The following KLHL1 variants were observed in gnomAD, a reference collection of about 807,000 sequenced individuals.
The protein encoded by KLHL1 is kelch-like protein 1.
A neutral mutation model predicts 77.7 loss-of-function variants in KLHL1; 47 were observed. The ratio of observed to expected loss-of-function variants is 0.60; its 90% CI spans 0.48 to 0.77. The LOEUF (loss-of-function observed/expected upper bound fraction) is 0.77. Among genes scored for constraint, KLHL1 ranks in the 30% least tolerant of loss-of-function variants. The pLI, the probability that KLHL1 is intolerant of heterozygous loss-of-function variation, is 0.00. For missense variants in KLHL1, 925 were observed against 910.8 expected (o/e 1.02, Z -0.20); for synonymous variants, 360 against 325.2 (o/e 1.11, Z -1.15).
chr13:69,764,774 C>T lies in KLHL1; in HGVS notation c.1640-24218G>A, dbSNP rs563983680. On this transcript the variant is annotated intron_variant, in intron 7 of 10. Transcript: ENST00000377844. ...TTCTATTCTGAATTTTAAGAAGATT[C>T]CAAGGTAATCACATGCACATTAAAA... 5.7e-4 allele frequency among the ~76,000 whole-genome samples: 86 copies of T among 151,956 alleles called. No homozygotes were observed. The South Asian group carries it at 0.013, about 23-fold the overall frequency.
intron 3 of KLHL1, among the ~76,000 whole-genome samples, chr13:69,951,634 T>C (rs1883714822): frequency 6.6e-6 from 1 of 151,548 alleles, no homozygotes; most frequent in Non-Finnish European, 1.5e-5. Flanking sequence ...CTCTTTATTC[T>C]TGAGGTTCTG....
rs74872690 is a variant in KLHL1 at position 70,038,789 on chromosome 13, C to T, written c.498-62987G>A. On this transcript the variant is annotated intron_variant, in intron 1 of 10. Coordinates refer to ENST00000377844, the MANE Select transcript of KLHL1 (RefSeq NM_020866.3). ...CATTTTTAGTAGAGACAGGGTTTCA[C>T]CACGTTGGCCAGGCTGGTCTCAAAC... 2.3e-3 allele frequency among the ~76,000 whole-genome samples: 346 copies of T among 151,896 alleles called. 7 individuals are homozygous for T. In the East Asian group the frequency reaches 0.062, roughly 27 times the overall value.
chr13:69,968,565 G>T (rs944149727), intron 2 of KLHL1, among the ~76,000 whole-genome samples: 57 of 150,694 alleles, frequency 3.8e-4, no homozygotes, highest in African/African-American at 1.4e-3. Context: ...GAAATTGAAG[G>T]TATTAATATA....
chr13:69,952,718 C>A (rs73512626), intron 3 of KLHL1, among the ~76,000 whole-genome samples: 19,349 of 151,238 alleles, frequency 0.13, 1,918 homozygotes, highest in East Asian at 0.29. Flanking sequence ...CTGAGGGAGA[C>A]AAAGTGTTTA....
intron 6 of KLHL1, among the ~76,000 whole-genome samples, chr13:69,825,252 G>A (rs1338605116): frequency 1.3e-5 from 2 of 152,030 alleles, no homozygotes; most frequent in East Asian, 1.9e-4. Context: ...TTTAAAGCAG[G>A]GTGAGATAAG....
intron 7 of KLHL1, among the ~76,000 whole-genome samples, chr13:69,794,163 T>C (rs1369199701): frequency 6.6e-6 from 1 of 152,176 alleles, no homozygotes; most frequent in Non-Finnish European, 1.5e-5. Flanking sequence ...AGAGGATTTA[T>C]GTGCAAATGG....
intron 4 of KLHL1, among the ~76,000 whole-genome samples, chr13:69,921,864 G>A (rs1882650866): frequency 6.6e-6 from 1 of 151,466 alleles, no homozygotes; most frequent in Admixed American, 6.6e-5. Flanking sequence ...TAAGCTTTCT[G>A]GGAGGCTAAG....
At chr13:69,840,675 A>T (rs1368827634) in intron 5 of KLHL1, among the ~76,000 whole-genome samples, 1 of 146,078 alleles carries the variant, frequency 6.8e-6, no homozygotes, top group Non-Finnish European at 1.5e-5. Context: ...TTTATTTTGA[A>T]CATTAACTTT....
Position 69,882,267 on chromosome 13 carries a change from C to T in KLHL1, c.1227+16G>A, listed in dbSNP as rs748145244. 2.4e-5 allele frequency: 37 copies of T among 1,555,506 alleles called. No individual in the cohort carries two copies. Among genetic ancestry groups the T allele is most frequent in the East Asian group, 2.2e-4 (10 of 44,494 alleles). The stretch of plus-strand genomic sequence containing the variant: ...CAGTACATTGAATCTATTTAAACAG[C>T]GTCACACATCATTACCTGTGGTGGA... On this transcript the variant is annotated intron_variant, in intron 5 of 10. Transcript: ENST00000377844.
intron 5 of KLHL1, among the ~76,000 whole-genome samples, chr13:69,845,451 C>G (rs1357996618): frequency 1.3e-5 from 2 of 151,512 alleles, no homozygotes; most frequent in African/African-American, 2.4e-5. Context: ...AAATATGTTT[C>G]AACTATTTAT....
chr13:69,779,353 T>G (rs1876010153), intron 7 of KLHL1, among the ~76,000 whole-genome samples: 1 of 140,832 alleles, frequency 7.1e-6, no homozygotes, highest in Non-Finnish European at 1.6e-5. Context: ...TCCCTCCTCT[T>G]TTTTCCTTTC....
In KLHL1 at chr13:69,771,838, G is replaced by T. The variant is rs1487366349; in HGVS notation, c.1639+24900C>A. Among the ~76,000 whole-genome samples the T allele has an allele frequency of 2.0e-5, 3 of 152,088 alleles. No homozygotes were observed. The East Asian group carries it at 5.8e-4, about 29-fold the overall frequency. ...TCTGAAAAAATGGTCAAATTAGGAA[G>T]ACATGCGAATCAAAATGTGGAGACA... On this transcript the variant is annotated intron_variant, in intron 7 of 10. Coordinates refer to ENST00000377844, the MANE Select transcript of KLHL1 (RefSeq NM_020866.3).
chr13:70,075,607 A>T lies in KLHL1; in HGVS notation c.497+31596T>A, dbSNP rs1304340468. On this transcript the variant is annotated intron_variant, in intron 1 of 10. Transcript: ENST00000377844. ...TATATATACACACACACACATATAT[A>T]TAGGACTTACATATATATATGTATA... Among the ~76,000 whole-genome samples the T allele has an allele frequency of 2.8e-4, 28 of 98,756 alleles. 1 individual carries two copies. In the Admixed American group the frequency reaches 3.4e-3, roughly 12 times the overall value. The allele number at this position is 98,756 out of a possible 152,430, so 64.8% of individuals were successfully genotyped here.
chr13:69,927,616 A>C lies in KLHL1; in HGVS notation c.1014+12424T>G, dbSNP rs142046551. Among the ~76,000 whole-genome samples the C allele has an allele frequency of 6.4e-3, 980 of 152,318 alleles. 15 individuals carry two copies. Among genetic ancestry groups the C allele is most frequent in the African/African-American group, 0.022 (935 of 41,572 alleles). On this transcript the variant is annotated intron_variant, in intron 4 of 10. Transcript: ENST00000377844. ...AAGAGTTCTAAGCAACATTTCTCCA[A>C]AGAGGATATATAAATGTCCAATAAA... is the stretch of plus-strand genomic sequence containing the variant.
chr13:69,875,199 G>A (rs1880720874), intron 5 of KLHL1, among the ~76,000 whole-genome samples: 1 of 152,018 alleles, frequency 6.6e-6, no homozygotes, highest in South Asian at 2.1e-4. Flanking sequence ...ATTGATTGAA[G>A]TGGATTGAAG....
chr13:69,984,044 T>C (rs190387007), intron 1 of KLHL1, among the ~76,000 whole-genome samples: 12 of 152,114 alleles, frequency 7.9e-5, no homozygotes, highest in Non-Finnish European at 1.6e-4. Context: ...CCTGAAACCA[T>C]AAAATTATTA....
intron 7 of KLHL1, among the ~76,000 whole-genome samples, chr13:69,793,579 A>C (rs958762428): frequency 1.3e-5 from 2 of 149,886 alleles, no homozygotes; most frequent in African/African-American, 2.5e-5. Flanking sequence ...TCAATTTTTA[A>C]AATTTTACTT....
intron 1 of KLHL1, among the ~76,000 whole-genome samples, chr13:69,998,585 C>T (rs905691541): frequency 1.3e-5 from 2 of 152,054 alleles, no homozygotes; most frequent in Non-Finnish European, 1.5e-5. Flanking sequence ...ACTCAATCCC[C>T]TTGGTACTTA....
chr13:69,989,272 A>C (rs1884959521), intron 1 of KLHL1, among the ~76,000 whole-genome samples: 1 of 151,828 alleles, frequency 6.6e-6, no homozygotes, highest in Admixed American at 6.6e-5. Flanking sequence ...GGTTGTAGGT[A>C]TGTGGCTTTA....
Sources: allele counts gnomAD v4.1 joint callset (sites outside exome capture counted in the v4.1 genomes callset), GRCh38; gene constraint gnomAD v4.1.1; transcripts MANE v1.5; gene names NCBI Gene and HGNC (gene_info 2026-07-23, HGNC 2026-07-21).